The following GLIS3 variants were observed in gnomAD, a reference collection of about 807,000 sequenced individuals.
GLIS3 encodes zinc finger protein GLIS3.
GLIS3 carries 53 observed loss-of-function variants against 78.6 expected under a neutral mutation model. That is an observed-to-expected ratio of 0.67 (90% CI 0.54 to 0.85). The LOEUF (loss-of-function observed/expected upper bound fraction) is 0.85. Among genes scored for constraint, GLIS3 ranks in the 40% least tolerant of loss-of-function variants. GLIS3 has a pLI of 0.00. For synonymous variants in GLIS3, 684 were observed against 509.9 expected, an observed-to-expected ratio of 1.34 and a Z score of -4.60; for missense variants, 1,703 against 1,231.1, an observed-to-expected ratio of 1.38 and a Z score of -5.74.
the GLIS3 span, among the ~76,000 whole-genome samples, chr9:4,428,933 A>C: frequency 2.6e-5 from 4 of 152,142 alleles, no homozygotes; most frequent in Non-Finnish European, 5.9e-5. Flanking sequence ...TTCATCACTA[A>C]GGCTAATTAA....
At chr9:4,415,884 A>T in the GLIS3 span, among the ~76,000 whole-genome samples, 2 of 151,974 alleles carry the variant, frequency 1.3e-5, no homozygotes, top group African/African-American at 4.8e-5. Context: ...TATAAAATAA[A>T]ATTTCCCTTT....
At chr9:4,032,790 A>G (rs7043922) in intron 4 of GLIS3, among the ~76,000 whole-genome samples, 55,295 of 152,014 alleles carry the variant, frequency 0.36, 10,355 homozygotes, top group South Asian at 0.41. Context: ...CCCACTGCCA[A>G]TAGCATTCTC....
chr9:3,909,742 C>T (rs1345272720), intron 6 of GLIS3, among the ~76,000 whole-genome samples: 1 of 152,034 alleles, frequency 6.6e-6, no homozygotes, highest in Non-Finnish European at 1.5e-5. Context: ...TTCAAAGAAA[C>T]ATAGAATTTC....
At chr9:4,422,127 T>C in the GLIS3 span, among the ~76,000 whole-genome samples, 1 of 152,244 alleles carries the variant, frequency 6.6e-6, no homozygotes, top group Non-Finnish European at 1.5e-5. Context: ...TAGGTTTAAA[T>C]CTTCCACCAG....
At chr9:3,958,518 A>C (rs528938) in intron 4 of GLIS3, among the ~76,000 whole-genome samples, 79,098 of 152,070 alleles carry the variant, frequency 0.52, 23,513 homozygotes, top group East Asian at 0.88. Flanking sequence ...CTATTCTGCT[A>C]TTCCAACAGT....
the GLIS3 span, among the ~76,000 whole-genome samples, chr9:4,378,230 G>C: frequency 6.6e-6 from 1 of 152,064 alleles, no homozygotes; most frequent in African/African-American, 2.4e-5. Context: ...TTAATCCTCA[G>C]TCTGGGTTGC....
chr9:4,174,433 C>A (rs1054212911), intron 2 of GLIS3, among the ~76,000 whole-genome samples: 2 of 152,138 alleles, frequency 1.3e-5, no homozygotes, highest in Non-Finnish European at 2.9e-5. Context: ...TATATAAATT[C>A]TTTCAACTTA....
the GLIS3 span, among the ~76,000 whole-genome samples, chr9:4,379,628 G>A: frequency 2.3e-4 from 35 of 152,288 alleles, no homozygotes; most frequent in African/African-American, 8.4e-4. Context: ...GTTTTCTGCT[G>A]TTTCAGTGGA....
chr9:4,368,526 T>C, the GLIS3 span, among the ~76,000 whole-genome samples: 1 of 152,146 alleles, frequency 6.6e-6, no homozygotes, highest in Admixed American at 6.5e-5. Context: ...TTTGTTTTTA[T>C]ATTTTTACTA....
chr9:4,143,076 T>C (rs909355994), intron 2 of GLIS3, among the ~76,000 whole-genome samples: 1 of 152,140 alleles, frequency 6.6e-6, no homozygotes, highest in African/African-American at 2.4e-5. Flanking sequence ...ATGTGTCTTT[T>C]TTCAGCTTTT....
At chr9:3,932,507 A>C (rs1288630236) in intron 5 of GLIS3, 37 bp from the exon 6 acceptor site, 4 of 1,475,470 alleles carry the variant, frequency 2.7e-6, no homozygotes, top group Non-Finnish European at 3.8e-6. Context: ...GCTGTGGTTA[A>C]ATCATAAAGG....
At chr9:4,463,241 A>G in the GLIS3 span, among the ~76,000 whole-genome samples, 2 of 152,258 alleles carry the variant, frequency 1.3e-5, no homozygotes, top group African/African-American at 4.8e-5. Context: ...GTTGACTTTA[A>G]GAAGTAACTT....
Position 4,091,228 on chromosome 9 carries a change from G to A in GLIS3, c.1710+26540C>T, listed in dbSNP as rs560726465. On this transcript the variant is annotated intron_variant, in intron 4 of 10. Transcript: ENST00000381971. ...TTAAAATGTTAAAAATTAGCCAGAC[G>A]TGGTGGTGTACATCTGTAGTCCCAG... Among the ~76,000 whole-genome samples, 14 of 151,984 alleles carry A rather than the reference G, an allele frequency of 9.2e-5. No individual in the cohort carries two copies. In the South Asian group the frequency reaches 1.0e-3, roughly 11 times the overall value.
intron 2 of GLIS3, among the ~76,000 whole-genome samples, chr9:4,232,465 C>T (rs1264013784): frequency 6.6e-6 from 1 of 151,538 alleles, no homozygotes. Flanking sequence ...CACAACACTT[C>T]AAGTTCCTAT....
intron 4 of GLIS3, among the ~76,000 whole-genome samples, chr9:4,059,864 G>GAGAGAA (rs1826496939): frequency 5.3e-5 from 8 of 150,134 alleles, no homozygotes; most frequent in Non-Finnish European, 1.2e-4. Context: ...GAGAGAGAGA[G>GAGAGAA]AGAAAGAGAG....
chr9:4,370,586 G>A, the GLIS3 span, among the ~76,000 whole-genome samples: 5 of 151,980 alleles, frequency 3.3e-5, no homozygotes, highest in Admixed American at 2.6e-4. Context: ...ACTGTGCCTC[G>A]TGTGGAAGGA....
At chr9:4,455,792 T>C in the GLIS3 span, among the ~76,000 whole-genome samples, 1 of 152,114 alleles carries the variant, frequency 6.6e-6, no homozygotes, top group Non-Finnish European at 1.5e-5. Context: ...ATTCACATGA[T>C]TGTTTTTCAT....
intron 2 of GLIS3, among the ~76,000 whole-genome samples, chr9:4,201,123 A>C (rs1175595232): frequency 6.6e-6 from 1 of 152,238 alleles, no homozygotes; most frequent in African/African-American, 2.4e-5. Context: ...AGCTTTTTAT[A>C]AAATCAAACA....
chr9:4,281,732 T>G (rs970875388), intron 2 of GLIS3, among the ~76,000 whole-genome samples: 1 of 152,258 alleles, frequency 6.6e-6, no homozygotes, highest in Non-Finnish European at 1.5e-5. Flanking sequence ...AAGTACTTGC[T>G]GCTTCTAAAT....
Sources: gnomAD v4.1 joint callset for allele counts (sites outside exome capture counted in the v4.1 genomes callset) on GRCh38, gnomAD v4.1.1 for gene constraint, MANE v1.5 for transcripts, NCBI Gene and HGNC (gene_info 2026-07-23, HGNC 2026-07-21) for gene names.